LDHB: variants seen among roughly 807,000 people sequenced by gnomAD.
LDHB encodes lactate dehydrogenase B, also known as L-lactate dehydrogenase B chain.
LDHB carries 18 observed loss-of-function variants against 33.4 expected under a neutral mutation model. The observed-to-expected ratio is 0.54, with a 90% CI of 0.37 to 0.80. The LOEUF (loss-of-function observed/expected upper bound fraction) is 0.80, where lower values mean the gene tolerates loss of function less well. Among genes scored for constraint, LDHB ranks in the 30% least tolerant of loss-of-function variants. The probability of loss-of-function intolerance (pLI) is 0.00; values close to 1 mark genes in which losing one functional copy is unlikely to be tolerated. For missense variants in LDHB, 345 were observed against 407.9 expected (o/e 0.85, Z 1.33); for synonymous variants, 121 against 140.6 (o/e 0.86, Z 0.98).
intron 5 of LDHB, among the ~76,000 whole-genome samples, chr12:21,638,885 G>T (rs1019022645): frequency 3.3e-5 from 5 of 151,714 alleles, no homozygotes; most frequent in African/African-American, 9.7e-5. Context: ...AAAAATCCTA[G>T]AATAAGACCC....
chr12:21,640,835 G>A (rs1219898187), intron 5 of LDHB, among the ~76,000 whole-genome samples: 1 of 151,006 alleles, frequency 6.6e-6, no homozygotes, highest in African/African-American at 2.4e-5. Context: ...GATGGGACAT[G>A]TTAAAAAAAA....
intron 2 of LDHB, among the ~76,000 whole-genome samples, chr12:21,647,749 C>T (rs978250756): frequency 1.3e-5 from 2 of 149,578 alleles, no homozygotes; most frequent in East Asian, 2.0e-4. Flanking sequence ...GGTGCAATCT[C>T]GGCTCACTGC....
At chr12:21,649,787 T>C (rs999211347) in intron 2 of LDHB, among the ~76,000 whole-genome samples, 11 of 152,130 alleles carry the variant, frequency 7.2e-5, no homozygotes, top group Admixed American at 5.2e-4. Flanking sequence ...TATTTGATGG[T>C]TTCATTTTTA....
chr12:21,646,183 G>A (rs1336537955), intron 3 of LDHB, among the ~76,000 whole-genome samples: 3 of 152,172 alleles, frequency 2.0e-5, no homozygotes, highest in African/African-American at 4.8e-5. Flanking sequence ...GGAGAATGAT[G>A]AGCCATGAGG....
rs1330616677 is a variant in LDHB, at chr12:21,637,190, A to G, written c.718T>C (p.Tyr240His). 2 of 1,597,782 alleles carry G rather than the reference A, an allele frequency of 1.3e-6. No individual in the cohort carries two copies. The highest frequency in any genetic ancestry group is 2.2e-5 in the East Asian group (1 of 44,690). ...TATCCTTTTAGCTTGATGACTTCATAGGCACTTAAAAAAATTATAAAAGAC... is the reference window on the plus strand; with the variant it reads ...TATCCTTTTAGCTTGATGACTTCATGGGCACTTAAAAAAATTATAAAAGAC... ...EVHKMVVESAYEVIKLKGYTN... is the reference protein window; with the variant it reads ...EVHKMVVESAHEVIKLKGYTN... The change falls in exon 7 of 8, where the codon TAT becomes CAT. Residue 240 changes from tyrosine to histidine, a missense_variant. Transcript: ENST00000350669.
At position 21,635,684 on chromosome 12, in the gene LDHB, A is replaced by G. The variant is rs1387040181; in HGVS notation, c.863T>C (p.Val288Ala). The G allele has an allele frequency of 3.1e-6, 5 of 1,613,728 alleles. No homozygotes were observed. The South Asian group carries it at 5.5e-5, about 18-fold the overall frequency. Reference sequence around the variant, plus strand: ...GAGGATACATGGAAGGCTCAGGAAGACTTCATTCTCAATGCCATACATCCC... The same window carrying G: ...GAGGATACATGGAAGGCTCAGGAAGGCTTCATTCTCAATGCCATACATCCC... Reference protein sequence around the residue: ...VKGMYGIENEVFLSLPCILNA... With the variant: ...VKGMYGIENEAFLSLPCILNA... Residue 288 changes from valine to alanine, a missense_variant, in exon 8 of 8, where the codon GTC becomes GCC. Physicochemically the swap from Val to Ala is moderately conservative, Grantham distance 64. Coordinates refer to ENST00000350669, the MANE Select transcript of LDHB (RefSeq NM_002300.8).
chr12:21,652,686 G>A (rs1243769514), intron 2 of LDHB, among the ~76,000 whole-genome samples: 1 of 146,322 alleles, frequency 6.8e-6, no homozygotes, highest in South Asian at 2.3e-4. Flanking sequence ...TAGCTAGAAA[G>A]AAATGCAAAA....
intron 2 of LDHB, among the ~76,000 whole-genome samples, chr12:21,650,868 A>G (rs1938671223): frequency 6.6e-6 from 1 of 152,248 alleles, no homozygotes; most frequent in East Asian, 1.9e-4. Flanking sequence ...TTAAACAAAC[A>G]ACAAATCAGG....
Position 21,642,013 on chromosome 12 carries a change from T to A in LDHB, c.534A>T (p.Lys178Asn), listed in dbSNP as rs560145124. The change falls in exon 5 of 8, where the codon AAA becomes AAT. Residue 178 changes from lysine (K) to asparagine (N), a missense_variant. Coordinates refer to ENST00000350669, the MANE Select transcript of LDHB (RefSeq NM_002300.8). Reference sequence around the variant, plus strand: ...GGCAGCTGCTGGGATGAATGCCAAGTTTTTCAGCCATAAGGTAGCGAAATC... The same window carrying A: ...GGCAGCTGCTGGGATGAATGCCAAGATTTTCAGCCATAAGGTAGCGAAATC... Reference protein sequence around the residue: ...SARFRYLMAEKLGIHPSSCHG... With the variant: ...SARFRYLMAENLGIHPSSCHG... The A allele has an allele frequency of 2.5e-6, 4 of 1,613,636 alleles. No individual in the cohort carries two copies. In the South Asian group the frequency reaches 4.4e-5, roughly 18 times the overall value.
At chr12:21,649,145 CTT>C (rs2136976519) in intron 2 of LDHB, among the ~76,000 whole-genome samples, 1 of 152,280 alleles carries the variant, frequency 6.6e-6, no homozygotes, top group Admixed American at 6.5e-5. Context: ...GAATATCACT[CTT>C]ATTTTAGTAA....
At chr12:21,636,569 C>T (rs1259816560) in intron 7 of LDHB, among the ~76,000 whole-genome samples, 2 of 152,072 alleles carry the variant, frequency 1.3e-5, no homozygotes, top group Admixed American at 6.6e-5. Context: ...TATTGACACA[C>T]TTGATTTACA....
intron 7 of LDHB, 45 bp from the exon 8 acceptor site, chr12:21,635,754 G>T: frequency 6.3e-7 from 1 of 1,579,712 alleles, no homozygotes; most frequent in Non-Finnish European, 8.7e-7. Flanking sequence ...GAAACTGTAA[G>T]TAAAAATGAT....
intron 1 of LDHB, among the ~76,000 whole-genome samples, chr12:21,655,235 TGTGA>T (rs545581343): frequency 9.2e-5 from 14 of 152,236 alleles, no homozygotes; most frequent in East Asian, 1.9e-4. Context: ...TATGATTCCA[TGTGA>T]GTATTTAGTA....
chr12:21,639,445 T>G (rs921363479), intron 5 of LDHB, among the ~76,000 whole-genome samples: 1 of 151,582 alleles, frequency 6.6e-6, no homozygotes, highest in East Asian at 1.9e-4. Context: ...TTATTTTTTT[T>G]CTCACTAAAA....
At chr12:21,637,624 T>C (rs994431856) in intron 6 of LDHB, among the ~76,000 whole-genome samples, 5 of 151,934 alleles carry the variant, frequency 3.3e-5, no homozygotes, top group Non-Finnish European at 5.9e-5. Context: ...GGGATAAGAG[T>C]ATCTTGCCTG....
At chr12:21,642,293 A>G (rs1938396842) in intron 4 of LDHB, among the ~76,000 whole-genome samples, 168 bp from the exon 5 acceptor site, 1 of 152,224 alleles carries the variant, frequency 6.6e-6, no homozygotes, top group African/African-American at 2.4e-5. Flanking sequence ...AGATACCAGG[A>G]ATGACAGTGA....
intron 2 of LDHB, 134 bp from the exon 3 acceptor site, chr12:21,647,150 TTAGA>T (rs1938548630): frequency 1.5e-6 from 1 of 651,310 alleles, no homozygotes. Flanking sequence ...TACCATGGAG[TTAGA>T]TACTCAATGA....
At chr12:21,643,330 A>C (rs554185228) in intron 4 of LDHB, among the ~76,000 whole-genome samples, 10 of 152,384 alleles carry the variant, frequency 6.6e-5, no homozygotes, top group Non-Finnish European at 1.3e-4. Flanking sequence ...TATCAAATAG[A>C]GCATATTTTA....
At chr12:21,653,574 C>A (rs780942197) in intron 2 of LDHB, among the ~76,000 whole-genome samples, 11 of 152,048 alleles carry the variant, frequency 7.2e-5, no homozygotes, top group Non-Finnish European at 1.5e-4. Flanking sequence ...TAGATATAGA[C>A]AAATACGTCA....
Sources: allele counts gnomAD v4.1 joint callset (sites outside exome capture counted in the v4.1 genomes callset), GRCh38; gene constraint gnomAD v4.1.1; transcripts MANE v1.5; gene names NCBI Gene and HGNC (gene_info 2026-07-23, HGNC 2026-07-21).